The following SOX13 variants were observed in gnomAD, a reference collection of about 807,000 sequenced individuals.
The protein encoded by SOX13 is transcription factor SOX-13.
In SOX13, 28 loss-of-function variants were observed where a neutral mutation model predicts 71.8. The observed-to-expected ratio is 0.39, with a 90% CI of 0.29 to 0.53. SOX13 has a LOEUF of 0.53. Among genes scored for constraint, SOX13 ranks in the 20% least tolerant of loss-of-function variants. The pLI, the probability that SOX13 is intolerant of heterozygous loss-of-function variation, is 0.70. For missense variants in SOX13, 627 were observed against 810.3 expected, an observed-to-expected ratio of 0.77 and a Z score of 2.75; for synonymous variants, 309 against 317.8, an observed-to-expected ratio of 0.97 and a Z score of 0.29.
intron 1 of SOX13, 77 bp from the exon 2 acceptor site, chr1:204,112,838 C>A: frequency 7.9e-7 from 1 of 1,266,862 alleles, no homozygotes; most frequent in Non-Finnish European, 1.1e-6. Context: ...GTCAGGGGAG[C>A]AAACAGTAGG....
intron 1 of SOX13, among the ~76,000 whole-genome samples, chr1:204,091,000 T>C (rs73069912): frequency 0.012 from 1,796 of 152,286 alleles, 37 homozygotes; most frequent in African/African-American, 0.042. Flanking sequence ...TAGGACTTTG[T>C]TGACAATGGG....
intron 1 of SOX13, among the ~76,000 whole-genome samples, chr1:204,088,467 A>T (rs777018944): frequency 1.3e-5 from 2 of 152,208 alleles, no homozygotes; most frequent in Non-Finnish European, 2.9e-5. Context: ...GCATTTGCAT[A>T]TAACCAGTAC....
intron 1 of SOX13, among the ~76,000 whole-genome samples, chr1:204,093,896 A>G (rs927058300): frequency 1.3e-5 from 2 of 152,198 alleles, no homozygotes; most frequent in Admixed American, 6.5e-5. Context: ...CAACTCGAAC[A>G]TGGAAATCAG....
rs1470828844 is a variant in SOX13, at chr1:204,079,115, G to A, written c.-2+5404G>A. ...AGATCGAGACCATCCTGGCTAAGACGGTGAAACCCTGTCTCTACTAGAAAT... is the reference window on the plus strand; with the variant it reads ...AGATCGAGACCATCCTGGCTAAGACAGTGAAACCCTGTCTCTACTAGAAAT... On this transcript the variant is annotated intron_variant, in intron 1 of 13. Coordinates refer to ENST00000367204, the MANE Select transcript of SOX13 (RefSeq NM_005686.3). 3.9e-5 allele frequency among the ~76,000 whole-genome samples: 6 copies of A among 151,956 alleles called. No homozygotes were observed. The East Asian group carries it at 5.9e-4, about 15-fold the overall frequency.
In SOX13 at chr1:204,126,449, T is replaced by C. The variant is rs1656925107; in HGVS notation, c.*315T>C. 2 of 379,012 alleles carry C rather than the reference T, an allele frequency of 5.3e-6. No individual in the cohort carries two copies. Among genetic ancestry groups the C allele is most frequent in the Non-Finnish European group, 9.8e-6 (2 of 205,118 alleles). 23.5% of individuals were successfully genotyped at this position (379,012 alleles called of 1,614,324 possible). ...TGCAGGTGTCTATCCACCTGGGGTA[T>C]GGCATCTACCGACCTGTCTCCCTGG... On this transcript the variant is annotated 3_prime_UTR_variant, in exon 14 of 14. Transcript: ENST00000367204.
intron 1 of SOX13, among the ~76,000 whole-genome samples, chr1:204,085,516 C>T (rs1207298202): frequency 6.6e-6 from 1 of 151,980 alleles, no homozygotes; most frequent in African/African-American, 2.4e-5. Context: ...GTACTGGACA[C>T]CAGTGATGTC....
Position 204,112,099 on chromosome 1 carries a change from T to A in SOX13, c.-1-816T>A, listed in dbSNP as rs142560886. 5.1e-4 allele frequency among the ~76,000 whole-genome samples: 78 copies of A among 152,270 alleles called. 2 individuals are homozygous for A. The highest frequency in any genetic ancestry group is 3.4e-3 in the Middle Eastern group (1 of 294). ...TTGAGCTAGAAGTTCAAATCTAGAT[T>A]TTTATGTGTTATCTCTTGATTTTTA... On this transcript the variant is annotated intron_variant, in intron 1 of 13. Transcript: ENST00000367204.
At position 204,126,267 on chromosome 1, in the gene SOX13, A is replaced by C; in HGVS notation, c.*133A>C. On this transcript the variant is annotated 3_prime_UTR_variant, in exon 14 of 14. Coordinates refer to ENST00000367204, the MANE Select transcript of SOX13 (RefSeq NM_005686.3). ...GCCCCAGAGATGGGCAAAGCTGTGCACTTGCAGATACATTCATGAGGGGAG... is the reference window on the plus strand; with the variant it reads ...GCCCCAGAGATGGGCAAAGCTGTGCCCTTGCAGATACATTCATGAGGGGAG... 1.0e-6 allele frequency: 1 copy of C among 956,336 alleles called. No homozygotes were observed. The highest frequency in any genetic ancestry group is 1.6e-6 in the Non-Finnish European group (1 of 642,174). The allele number at this position is 956,336 out of a possible 1,614,324, so 59.2% of individuals were successfully genotyped here. A position where few individuals can be genotyped will look rare whatever the true frequency, so the allele number is the denominator to read the frequency against.
chr1:204,116,685 T>A lies in SOX13; in HGVS notation c.591+6T>A, dbSNP rs1571590277. The A allele has an allele frequency of 6.2e-7, 1 of 1,612,930 alleles. No homozygotes were observed. Among genetic ancestry groups the A allele is most frequent in the African/African-American group, 1.3e-5 (1 of 74,946 alleles). On this transcript the variant is annotated splice_donor_region_variant and intron_variant, in intron 5 of 13. Coordinates refer to ENST00000367204, the MANE Select transcript of SOX13 (RefSeq NM_005686.3). ...CCCGGCAGCAGCAGGAGCAGGTAGG[T>A]CCTGTTCGGTGGGTGTAGCTTTCTT...
rs963798911 is a variant in SOX13, at chr1:204,117,190, G to C, written c.660G>C (p.Gln220His). The change falls in exon 6 of 14, where the codon CAG (glutamine) becomes CAC (histidine). Residue 220 changes from glutamine (Q) to histidine (H), a missense_variant and splice_region_variant. Gln to His is a conservative substitution (Grantham distance 24). Around this residue, in one of 3 missense-constraint regions of SOX13, gnomAD observed 447 missense variants for 532.2 expected, o/e 0.84. Transcript: ENST00000367204. ...HKINLLQQQI[Q>H]QVNMPYVMIP... is the part of the protein sequence containing the mutation. ...TCAACCTCCTTCAGCAGCAGATCCA[G>C]GTAACCGGAGGGGAGACCCGGAGAG... is the stretch of plus-strand genomic sequence containing the variant. 1.4e-5 allele frequency: 23 copies of C among 1,613,740 alleles called. No homozygotes were observed. The highest frequency in any genetic ancestry group is 6.7e-5 in the African/African-American group (5 of 74,918).
chr1:204,074,037 G>A (rs889678179), intron 1 of SOX13: 2 of 152,138 alleles, frequency 1.3e-5, no homozygotes, highest in Admixed American at 6.6e-5. Flanking sequence ...CGCGGGTCGA[G>A]CTTAGGGTGC....
rs145312097 is a variant in SOX13, at chr1:204,103,644, GC to G, written c.-1-9270del. ...CCTTTGACATGGCCAGTCAGCCTCA[GC>G]TGCACAATTTCTGCATCTCCCAGCC... On this transcript the variant is annotated intron_variant, in intron 1 of 13. Transcript: ENST00000367204. 2.5e-3 allele frequency among the ~76,000 whole-genome samples: 387 copies of G among 152,370 alleles called. 5 individuals carry two copies. In the East Asian group the frequency reaches 0.031, roughly 12 times the overall value.
chr1:204,125,138 C>T (rs1012908102), intron 13 of SOX13, among the ~76,000 whole-genome samples: 4 of 152,238 alleles, frequency 2.6e-5, no homozygotes, highest in Admixed American at 6.5e-5. Flanking sequence ...GTAGATCCCA[C>T]GGCCGATAAA....
chr1:204,096,911 G>A (rs939065420), intron 1 of SOX13, among the ~76,000 whole-genome samples: 3 of 151,772 alleles, frequency 2.0e-5, no homozygotes, highest in Non-Finnish European at 4.4e-5. Context: ...ATCCTCTTGG[G>A]TATGAAGTGA....
Position 204,126,558 on chromosome 1 carries a change from T to C in SOX13, c.*424T>C, listed in dbSNP as rs1301975948. The C allele has an allele frequency of 4.5e-6, 1 of 223,014 alleles. No individual in the cohort carries two copies. The highest frequency in any genetic ancestry group is 1.0e-4 in the East Asian group (1 of 9,640). 13.8% of individuals were successfully genotyped at this position (223,014 alleles called of 1,614,324 possible). ...CCCCTCCCACACTCCCCCAGACTGC[T>C]CGTCTATCACCAGGATCGCTTTGTA... is the stretch of plus-strand genomic sequence containing the variant. On this transcript the variant is annotated 3_prime_UTR_variant, in exon 14 of 14. Transcript: ENST00000367204.
chr1:204,112,922 A>C lies in SOX13; in HGVS notation c.7A>C (p.Met3Leu), dbSNP rs1230083027. Residue 3 changes from methionine (M) to leucine (L), a missense_variant, in exon 2 of 14, where the codon ATG becomes CTG. Physicochemically the swap from Met to Leu is conservative, Grantham distance 15. This residue lies in a region of SOX13 where 447 missense variants were observed against 532.2 expected (regional missense o/e 0.84). Transcript: ENST00000367204. ...ACTCTGTCCCTCCCCCAGGATGTCC[A>C]TGAGGAGCCCCATCTCTGCCCAGCT... MS[M>L]RSPISAQLAL... 6.2e-7 allele frequency: 1 copy of C among 1,613,418 alleles called. No individual in the cohort carries two copies. Among genetic ancestry groups the C allele is most frequent in the Non-Finnish European group, 8.5e-7 (1 of 1,179,716 alleles).
In SOX13 at chr1:204,113,098, C is replaced by G; in HGVS notation, c.183C>G (p.Pro61=). 1 of 1,584,100 alleles carries G rather than the reference C, an allele frequency of 6.3e-7. No individual in the cohort carries two copies. Among genetic ancestry groups the G allele is most frequent in the Non-Finnish European group, 8.6e-7 (1 of 1,166,030 alleles). ...PARASQDSAD[P]QAPAQGNFRG... ...GGGCCTCCCAGGATAGTGCTGACCC[C>G]CAAGCTCCAGCCCAGGGGAATTTCA... Residue 61 remains proline (P), a synonymous_variant, in exon 2 of 14, where the codon CCC becomes CCG. Transcript: ENST00000367204.
intron 7 of SOX13, chr1:204,118,766 G>A (rs1336109550): frequency 6.6e-6 from 1 of 152,280 alleles, no homozygotes; most frequent in African/African-American, 2.4e-5. Flanking sequence ...GTCAGACAAG[G>A]GTGTGGGACC....
chr1:204,086,392 C>G (rs1280914289), intron 1 of SOX13, among the ~76,000 whole-genome samples: 1 of 152,158 alleles, frequency 6.6e-6, no homozygotes, highest in African/African-American at 2.4e-5. Context: ...CAACCTCCGC[C>G]TCCCAGGTTC....
Sources: allele counts gnomAD v4.1 joint callset (sites outside exome capture counted in the v4.1 genomes callset), GRCh38; gene constraint gnomAD v4.1.1; regional missense constraint gnomAD v4.1.1; transcripts MANE v1.5; gene names NCBI Gene and HGNC (gene_info 2026-07-23, HGNC 2026-07-21).